ARIH1: variants seen among roughly 807,000 people sequenced by gnomAD.
The protein encoded by ARIH1 is E3 ubiquitin-protein ligase ARIH1.
A neutral mutation model predicts 85.0 loss-of-function variants in ARIH1; 8 were observed. The ratio of observed to expected loss-of-function variants is 0.09; its 90% CI spans 0.06 to 0.17. ARIH1 has a LOEUF of 0.17. ARIH1 is among the 10% of genes least tolerant of loss of function. The probability of loss-of-function intolerance (pLI) is 1.00; values close to 1 mark genes in which losing one functional copy is unlikely to be tolerated. For synonymous variants in ARIH1, 238 were observed against 253.6 expected (o/e 0.94, Z 0.59); for missense variants, 311 against 718.1 (o/e 0.43, Z 6.48).
At chr15:72,499,886 A>G (rs1161500342) in intron 1 of ARIH1, among the ~76,000 whole-genome samples, 2 of 152,092 alleles carry the variant, frequency 1.3e-5, no homozygotes, top group African/African-American at 4.8e-5. Context: ...GCTGGACTGC[A>G]TCCTTAATTT....
At chr15:72,567,001 A>G in intron 8 of ARIH1, 105 bp from the exon 9 acceptor site, 1 of 779,012 alleles carries the variant, frequency 1.3e-6, no homozygotes, top group Non-Finnish European at 2.1e-6. Flanking sequence ...TGATAATCTT[A>G]TTCATTGGCT....
intron 1 of ARIH1, among the ~76,000 whole-genome samples, chr15:72,510,586 A>G (rs951251639): frequency 1.3e-5 from 2 of 151,624 alleles, no homozygotes; most frequent in African/African-American, 4.8e-5. Flanking sequence ...CTACTAAAAA[A>G]ATTAGGCGGG....
At chr15:72,486,217 G>T (rs989196184) in intron 1 of ARIH1, among the ~76,000 whole-genome samples, 1 of 152,080 alleles carries the variant, frequency 6.6e-6, no homozygotes, top group Non-Finnish European at 1.5e-5. Context: ...GTTACCTGAG[G>T]TGTGCAGCAG....
chr15:72,497,863 A>G (rs773789823), intron 1 of ARIH1, among the ~76,000 whole-genome samples: 2 of 152,202 alleles, frequency 1.3e-5, no homozygotes, highest in Admixed American at 1.3e-4. Context: ...ACCACAGCCT[A>G]AATTGTGACT....
chr15:72,484,776 T>TGTATATATATATGTGTGC, intron 1 of ARIH1, among the ~76,000 whole-genome samples: 1 of 76,236 alleles, frequency 1.3e-5, no homozygotes, highest in African/African-American at 2.7e-5. Flanking sequence ...TGTGTATATA[T>TGTATATATATATGTGTGC]ATACATATAT....
chr15:72,530,401 A>G (rs1265296133), intron 2 of ARIH1, among the ~76,000 whole-genome samples: 2 of 152,158 alleles, frequency 1.3e-5, no homozygotes, highest in African/African-American at 4.8e-5. Flanking sequence ...TAGAGGGGGA[A>G]GTTGGAATAT....
At chr15:72,525,879 G>A (rs1364875513) in intron 2 of ARIH1, among the ~76,000 whole-genome samples, 1 of 151,776 alleles carries the variant, frequency 6.6e-6, no homozygotes, top group East Asian at 1.9e-4. Context: ...AGACACAAGC[G>A]ATCCTCTCAC....
At chr15:72,480,118 C>T (rs192936397) in intron 1 of ARIH1, among the ~76,000 whole-genome samples, 1 of 152,166 alleles carries the variant, frequency 6.6e-6, no homozygotes. Flanking sequence ...ATCCGCCCAC[C>T]TCGGCCTGCC....
chr15:72,541,892 G>A (rs1207721049), intron 2 of ARIH1, among the ~76,000 whole-genome samples: 2 of 152,190 alleles, frequency 1.3e-5, no homozygotes, highest in African/African-American at 4.8e-5. Flanking sequence ...AATGTTGTAA[G>A]TGCTGCAAAG....
In ARIH1 at chr15:72,597,758, G is replaced by T. The variant is rs1424269581; in HGVS notation, c.*14466G>T. The T allele has an allele frequency of 6.6e-6, 1 of 152,140 alleles. No homozygotes were observed. Among genetic ancestry groups the T allele is most frequent in the African/African-American group, 2.4e-5 (1 of 41,392 alleles). The allele number at this position is 152,140 out of a possible 1,614,324, so 9.4% of individuals were successfully genotyped here. ...GGGAAGCCTTCCTCTGTGGATTTGG[G>T]TCATCTAGGTTCTAATGTCAAACCA... On this transcript the variant is annotated 3_prime_UTR_variant, in exon 14 of 14. Coordinates refer to ENST00000379887, the MANE Select transcript of ARIH1 (RefSeq NM_005744.5).
rs2064312879 is a variant in ARIH1, at chr15:72,585,618, T to G, written c.*2326T>G. 1 of 152,124 alleles carries G rather than the reference T, an allele frequency of 6.6e-6. No homozygotes were observed. The highest frequency in any genetic ancestry group is 1.5e-5 in the Non-Finnish European group (1 of 68,020). 9.4% of individuals were successfully genotyped at this position (152,124 alleles called of 1,614,324 possible). ...CCTGTTGCAACAAATACCCAAAAAT[T>G]GTGTGTGCACTTCCTAATACCAGTC... On this transcript the variant is annotated 3_prime_UTR_variant, in exon 14 of 14. Coordinates refer to ENST00000379887, the MANE Select transcript of ARIH1 (RefSeq NM_005744.5).
At chr15:72,553,082 G>A (rs1431212791) in intron 3 of ARIH1, among the ~76,000 whole-genome samples, 1 of 152,084 alleles carries the variant, frequency 6.6e-6, no homozygotes, top group South Asian at 2.1e-4. Flanking sequence ...GCCTAGGGAG[G>A]CTTATTTTTC....
chr15:72,584,706 A>T lies in ARIH1; in HGVS notation c.*1414A>T, dbSNP rs1396468162. 1 of 152,024 alleles carries T rather than the reference A, an allele frequency of 6.6e-6. No homozygotes were observed. The highest frequency in any genetic ancestry group is 2.4e-5 in the African/African-American group (1 of 41,386). 9.4% of individuals were successfully genotyped at this position (152,024 alleles called of 1,614,324 possible). The stretch of plus-strand genomic sequence containing the variant: ...TTTGCTGCTTTTTTATTGTCAGCAG[A>T]TAGGAGAATTAATAATGCATTTTAG... On this transcript the variant is annotated 3_prime_UTR_variant, in exon 14 of 14. Transcript: ENST00000379887.
intron 2 of ARIH1, among the ~76,000 whole-genome samples, chr15:72,522,769 C>T (rs1450144971): frequency 6.6e-6 from 1 of 152,084 alleles, no homozygotes; most frequent in South Asian, 2.1e-4. Context: ...GGACTCTTGT[C>T]CGAAATATAC....
At chr15:72,552,489 C>T (rs1284814354) in intron 3 of ARIH1, among the ~76,000 whole-genome samples, 1 of 152,086 alleles carries the variant, frequency 6.6e-6, no homozygotes, top group African/African-American at 2.4e-5. Flanking sequence ...AGGGTTTCGC[C>T]ATGTTGGCCT....
intron 2 of ARIH1, among the ~76,000 whole-genome samples, chr15:72,526,861 T>C (rs75964466): frequency 3.6e-4 from 5 of 13,996 alleles, no homozygotes; most frequent in African/African-American, 3.7e-4. Flanking sequence ...TGTCTAATGC[T>C]TTTTTTTTTT....
rs2064348586 is a variant in ARIH1 at position 72,592,893 on chromosome 15, TG to T, written c.*9602del. 1 of 152,196 alleles carries T rather than the reference TG, an allele frequency of 6.6e-6. No individual in the cohort carries two copies. Among genetic ancestry groups the T allele is most frequent in the Non-Finnish European group, 1.5e-5 (1 of 68,008 alleles). The allele number at this position is 152,196 out of a possible 1,614,324, so 9.4% of individuals were successfully genotyped here. Reference sequence around the variant, plus strand: ...ATATTCTTACACAGCCTTTTGTTTTTGTTTTTTGTGGATATACATCTTCACT... The same window carrying T: ...ATATTCTTACACAGCCTTTTGTTTTTTTTTTTGTGGATATACATCTTCACT... On this transcript the variant is annotated 3_prime_UTR_variant, in exon 14 of 14. Transcript: ENST00000379887.
intron 2 of ARIH1, 64 bp downstream of exon 2, chr15:72,518,198 T>C: frequency 7.2e-7 from 1 of 1,385,292 alleles, no homozygotes; most frequent in Non-Finnish European, 1.0e-6. Flanking sequence ...GAACCGAATT[T>C]ACAAGAATCA....
intron 4 of ARIH1, 105 bp from the exon 5 acceptor site, chr15:72,555,747 T>C (rs897683234): frequency 4.0e-5 from 36 of 895,898 alleles, no homozygotes; most frequent in Non-Finnish European, 6.1e-5. Flanking sequence ...ATTGAGATCC[T>C]GTAAACATTA....
Sources: gnomAD v4.1 joint callset for allele counts (sites outside exome capture counted in the v4.1 genomes callset) on GRCh38, gnomAD v4.1.1 for gene constraint, MANE v1.5 for transcripts, NCBI Gene and HGNC (gene_info 2026-07-23, HGNC 2026-07-21) for gene names.